Variants in KCNMB2 observed in about 807,000 individuals in gnomAD.
KCNMB2 encodes the protein calcium-activated potassium channel subunit beta-2.
A neutral mutation model predicts 24.5 loss-of-function variants in KCNMB2; 9 were observed. The ratio of observed to expected loss-of-function variants is 0.37; its 90% CI spans 0.22 to 0.64. KCNMB2 has a LOEUF of 0.64. Ranked by LOEUF, KCNMB2 falls within the 30% of genes least tolerant of loss-of-function variation. The probability of loss-of-function intolerance (pLI) is 0.63; values close to 1 mark genes in which losing one functional copy is unlikely to be tolerated. For missense variants in KCNMB2, 226 were observed against 284.3 expected (o/e 0.79, Z 1.47); for synonymous variants, 109 against 104.4 (o/e 1.04, Z -0.27).
Position 178,615,682 on chromosome 3 carries a change from G to A in KCNMB2, c.-68+78971G>A, listed in dbSNP as rs532245103. 1.6e-4 allele frequency among the ~76,000 whole-genome samples: 24 copies of A among 152,260 alleles called. 1 individual carries two copies. Among genetic ancestry groups the A allele is most frequent in the African/African-American group, 4.6e-4 (19 of 41,558 alleles). On this transcript the variant is annotated intron_variant, in intron 1 of 4. Transcript: ENST00000452583. The stretch of plus-strand genomic sequence containing the variant: ...CACCTGTCAGGGCAATGGGCTCCCC[G>A]CTGGCCTAGGGCAGGTCCAGAAATG...
At chr3:178,623,203 A>G (rs1169176327) in intron 1 of KCNMB2, among the ~76,000 whole-genome samples, 1 of 152,236 alleles carries the variant, frequency 6.6e-6, no homozygotes, top group Non-Finnish European at 1.5e-5. Context: ...CTAGAGGGGC[A>G]GCAGTATCCA....
rs181819341 is a variant in KCNMB2, at chr3:178,579,992, A to C, written c.-68+43281A>C. On this transcript the variant is annotated intron_variant, in intron 1 of 4. Transcript: ENST00000452583. ...TGAAACTATTCCAAACAATAGAAAAAGAGGGACTCCTCCCTAACTCATTTT... is the reference window on the plus strand; with the variant it reads ...TGAAACTATTCCAAACAATAGAAAACGAGGGACTCCTCCCTAACTCATTTT... Among the ~76,000 whole-genome samples the C allele has an allele frequency of 2.0e-3, 299 of 152,304 alleles. 1 individual carries two copies. Among genetic ancestry groups the C allele is most frequent in the Middle Eastern group, 3.4e-3 (1 of 294 alleles).
intron 1 of KCNMB2, among the ~76,000 whole-genome samples, chr3:178,701,949 T>C (rs1722113049): frequency 6.6e-6 from 1 of 152,144 alleles, no homozygotes; most frequent in Non-Finnish European, 1.5e-5. Context: ...CCCAATGGAA[T>C]ATAAATCATG....
intron 1 of KCNMB2, among the ~76,000 whole-genome samples, chr3:178,654,083 C>T (rs1351897784): frequency 6.6e-6 from 1 of 152,138 alleles, no homozygotes; most frequent in Non-Finnish European, 1.5e-5. Context: ...TAGCACTTTT[C>T]ACAGTTCCAG....
intron 1 of KCNMB2, among the ~76,000 whole-genome samples, chr3:178,590,856 A>T (rs1717643484): frequency 6.6e-6 from 1 of 152,192 alleles, no homozygotes; most frequent in Non-Finnish European, 1.5e-5. Flanking sequence ...TAGAGTTAGG[A>T]TCCCACTGCA....
intron 1 of KCNMB2, among the ~76,000 whole-genome samples, chr3:178,690,148 C>A (rs1338933200): frequency 2.0e-5 from 3 of 152,164 alleles, no homozygotes; most frequent in African/African-American, 7.2e-5. Context: ...GGCAAAATAA[C>A]TTATCCTTTG....
chr3:178,654,960 G>C (rs1244371325), intron 1 of KCNMB2, among the ~76,000 whole-genome samples: 1 of 152,116 alleles, frequency 6.6e-6, no homozygotes. Context: ...TTCTACCTCA[G>C]AGAGCAGTCA....
intron 1 of KCNMB2, among the ~76,000 whole-genome samples, chr3:178,750,943 C>T (rs188056849): frequency 1.7e-3 from 265 of 152,222 alleles, no homozygotes; most frequent in Middle Eastern, 3.4e-3. Context: ...CTCAATGGAT[C>T]GACTTGTTAT....
chr3:178,690,140 C>T (rs1453742082), intron 1 of KCNMB2, among the ~76,000 whole-genome samples: 1 of 152,110 alleles, frequency 6.6e-6, no homozygotes, highest in Non-Finnish European at 1.5e-5. Flanking sequence ...CACCAAATGG[C>T]AAAATAACTT....
At chr3:178,673,578 C>T (rs972569319) in intron 1 of KCNMB2, among the ~76,000 whole-genome samples, 8 of 152,202 alleles carry the variant, frequency 5.3e-5, no homozygotes, top group South Asian at 2.1e-4. Flanking sequence ...TGTCAGGACA[C>T]GTGTGGGAGA....
chr3:178,744,038 T>C (rs552371617), intron 1 of KCNMB2, among the ~76,000 whole-genome samples: 1 of 152,360 alleles, frequency 6.6e-6, no homozygotes, highest in Admixed American at 6.5e-5. Context: ...GAATATGGTT[T>C]GCTATAGCGA....
At chr3:178,723,041 A>C (rs1015181742) in intron 1 of KCNMB2, among the ~76,000 whole-genome samples, 13 of 152,156 alleles carry the variant, frequency 8.5e-5, no homozygotes, top group African/African-American at 3.1e-4. Context: ...TAGTTGGGTG[A>C]ATCAGTTTCT....
intron 1 of KCNMB2, among the ~76,000 whole-genome samples, chr3:178,793,281 G>C (rs1330213726): frequency 6.6e-6 from 1 of 152,172 alleles, no homozygotes; most frequent in African/African-American, 2.4e-5. Context: ...GACAGTTGAT[G>C]ATGAAGCAAT....
At chr3:178,792,579 C>T (rs1169010233) in intron 1 of KCNMB2, among the ~76,000 whole-genome samples, 2 of 151,906 alleles carry the variant, frequency 1.3e-5, no homozygotes, top group African/African-American at 4.8e-5. Context: ...TCAATAATAA[C>T]ATTGGATGGA....
At chr3:178,712,350 A>C (rs1424186136) in intron 1 of KCNMB2, among the ~76,000 whole-genome samples, 1 of 152,200 alleles carries the variant, frequency 6.6e-6, no homozygotes, top group African/African-American at 2.4e-5. Flanking sequence ...TTCAGTTCAT[A>C]CTGCATACAG....
Position 178,759,344 on chromosome 3 carries a change from GAT to G in KCNMB2, c.-67-47982_-67-47981del, listed in dbSNP as rs370619010. Among the ~76,000 whole-genome samples the G allele has an allele frequency of 3.7e-3, 76 of 20,392 alleles. 9 individuals carry two copies. Among genetic ancestry groups the G allele is most frequent in the African/African-American group, 9.1e-3 (26 of 2,856 alleles). The allele number at this position is 20,392 out of a possible 152,430, so 13.4% of individuals were successfully genotyped here. ...ATATATATATATATATCTCCAAGAG[GAT>G]ATATATATATATATATCTCCAAGAG... On this transcript the variant is annotated intron_variant, in intron 1 of 4. Transcript: ENST00000452583.
intron 2 of KCNMB2, among the ~76,000 whole-genome samples, chr3:178,817,455 G>A (rs1360901281): frequency 6.6e-6 from 1 of 152,088 alleles, no homozygotes; most frequent in African/African-American, 2.4e-5. Flanking sequence ...GTGGTGGACA[G>A]AAGGCAGAAG....
intron 1 of KCNMB2, among the ~76,000 whole-genome samples, chr3:178,651,447 A>G (rs1720117473): frequency 6.6e-6 from 1 of 152,238 alleles, no homozygotes; most frequent in African/African-American, 2.4e-5. Context: ...AAAACATTCC[A>G]TGTTCATGGA....
Position 178,803,345 on chromosome 3 carries a change from G to C in KCNMB2, c.-67-3998G>C, listed in dbSNP as rs150197743. On this transcript the variant is annotated intron_variant, in intron 1 of 4. Coordinates refer to ENST00000452583, the MANE Select transcript of KCNMB2 (RefSeq NM_181361.3). Reference sequence around the variant, plus strand: ...AAATTTTCTGTCCAAGCCAATGAAAGGGATAGATGGAGCTGGACAATTGAA... The same window carrying C: ...AAATTTTCTGTCCAAGCCAATGAAACGGATAGATGGAGCTGGACAATTGAA... Among the ~76,000 whole-genome samples, 180 of 152,294 alleles carry C rather than the reference G, an allele frequency of 1.2e-3. 1 individual carries two copies. Among genetic ancestry groups the C allele is most frequent in the African/African-American group, 4.2e-3 (176 of 41,562 alleles).
Sources: gnomAD v4.1 joint callset for allele counts (sites outside exome capture counted in the v4.1 genomes callset) on GRCh38, gnomAD v4.1.1 for gene constraint, MANE v1.5 for transcripts, NCBI Gene and HGNC (gene_info 2026-07-23, HGNC 2026-07-21) for gene names.